Variants in TMEM117 observed in about 807,000 individuals in gnomAD.
TMEM117 encodes transmembrane protein 117.
Under a neutral mutation model 52.4 loss-of-function variants are expected in TMEM117, and 27 were observed. The ratio of observed to expected loss-of-function variants is 0.51; its 90% CI spans 0.38 to 0.71. The LOEUF (loss-of-function observed/expected upper bound fraction) is 0.71, where lower values mean the gene tolerates loss of function less well. TMEM117 is among the 30% of genes least tolerant of loss of function. The pLI is 0.00. For synonymous variants in TMEM117, 215 were observed against 206.3 expected, an observed-to-expected ratio of 1.04 and a Z score of -0.36; for missense variants, 556 against 630.5, an observed-to-expected ratio of 0.88 and a Z score of 1.26.
chr12:44,000,590 C>T (rs1946100963), intron 3 of TMEM117, among the ~76,000 whole-genome samples: 1 of 152,132 alleles, frequency 6.6e-6, no homozygotes, highest in Non-Finnish European at 1.5e-5. Flanking sequence ...GCCTGGGCAA[C>T]TGGGCTGAGT....
Position 44,182,929 on chromosome 12 carries a change from T to C in TMEM117, c.511-28361T>C, listed in dbSNP as rs73290269. On this transcript the variant is annotated intron_variant, in intron 4 of 7. Transcript: ENST00000266534. ...AACTTTCTACATCTATTAGTTGCCT[T>C]CTCTATCTTAGTACATACCTTTACT... Among the ~76,000 whole-genome samples the C allele has an allele frequency of 2.9e-3, 439 of 152,316 alleles. 4 individuals carry two copies. Among genetic ancestry groups the C allele is most frequent in the African/African-American group, 0.01 (420 of 41,576 alleles).
chr12:44,250,997 A>G (rs1399031539), intron 5 of TMEM117, among the ~76,000 whole-genome samples: 2 of 152,188 alleles, frequency 1.3e-5, no homozygotes, highest in Non-Finnish European at 2.9e-5. Context: ...CGGATCTTAA[A>G]GTAAAATAAA....
At chr12:43,857,839 C>G (rs1446552246) in intron 2 of TMEM117, among the ~76,000 whole-genome samples, 1 of 152,118 alleles carries the variant, frequency 6.6e-6, no homozygotes, top group African/African-American at 2.4e-5. Flanking sequence ...GATGAACTAA[C>G]AAGGATGTTA....
chr12:44,146,374 A>C (rs573586130), intron 4 of TMEM117, among the ~76,000 whole-genome samples: 1 of 152,238 alleles, frequency 6.6e-6, no homozygotes, highest in African/African-American at 2.4e-5. Flanking sequence ...GACTGGATTG[A>C]GAGTCAAGAA....
intron 4 of TMEM117, among the ~76,000 whole-genome samples, chr12:44,149,294 A>G (rs528736531): frequency 6.6e-6 from 1 of 152,366 alleles, no homozygotes; most frequent in South Asian, 2.1e-4. Flanking sequence ...ACTACGTAAG[A>G]TAGAAAATTG....
intron 3 of TMEM117, among the ~76,000 whole-genome samples, chr12:44,097,806 A>G (rs538003435): frequency 1.3e-5 from 2 of 151,154 alleles, no homozygotes; most frequent in African/African-American, 4.9e-5. Context: ...ACATGTATAC[A>G]TATGTAACAA....
chr12:44,346,340 T>C (rs1951486505), intron 6 of TMEM117, among the ~76,000 whole-genome samples: 1 of 152,130 alleles, frequency 6.6e-6, no homozygotes, highest in African/African-American at 2.4e-5. Flanking sequence ...AATGATGCTT[T>C]TTCTGTGTGA....
intron 2 of TMEM117, among the ~76,000 whole-genome samples, chr12:43,854,135 C>T (rs757899998): frequency 5.3e-5 from 8 of 151,848 alleles, no homozygotes; most frequent in South Asian, 2.1e-4. Flanking sequence ...TTTAAGTCAA[C>T]GAAAATATTT....
chr12:44,069,952 C>G (rs1422716966), intron 3 of TMEM117, among the ~76,000 whole-genome samples: 1 of 152,130 alleles, frequency 6.6e-6, no homozygotes, highest in Non-Finnish European at 1.5e-5. Context: ...TGCAGTGGCA[C>G]GGGCTTGGCT....
chr12:44,179,126 GGAGTTGCAGTGAGCC>G (rs892634952), intron 4 of TMEM117, among the ~76,000 whole-genome samples: 6 of 152,084 alleles, frequency 3.9e-5, no homozygotes, highest in African/African-American at 7.2e-5. Context: ...CCCGGGAGGT[GGAGTTGCAGTGAGCC>G]GAGATCACGC....
intron 2 of TMEM117, among the ~76,000 whole-genome samples, chr12:43,880,051 T>G (rs1943869464): frequency 6.6e-6 from 1 of 152,246 alleles, no homozygotes; most frequent in Admixed American, 6.5e-5. Flanking sequence ...TCTCTAATAT[T>G]TTTCAGGTAG....
chr12:44,047,431 T>C (rs74664246), intron 3 of TMEM117, among the ~76,000 whole-genome samples: 1,729 of 152,306 alleles, frequency 0.011, 33 homozygotes, highest in African/African-American at 0.04. Flanking sequence ...TACTAGATAT[T>C]AATATTTTGG....
chr12:43,971,447 T>A (rs1026161462), intron 3 of TMEM117, among the ~76,000 whole-genome samples: 1 of 152,222 alleles, frequency 6.6e-6, no homozygotes, highest in South Asian at 2.1e-4. Flanking sequence ...CTAAGTTCCA[T>A]CCAAAGTGAA....
intron 5 of TMEM117, among the ~76,000 whole-genome samples, chr12:44,294,586 A>T (rs111724364): frequency 0.044 from 6,755 of 152,194 alleles, 150 homozygotes; most frequent in African/African-American, 0.065. Flanking sequence ...CTAAGTCAAG[A>T]GCTTTCACCT....
At chr12:43,963,032 A>G (rs547776179) in intron 3 of TMEM117, among the ~76,000 whole-genome samples, 1 of 152,028 alleles carries the variant, frequency 6.6e-6, no homozygotes, top group East Asian at 1.9e-4. Flanking sequence ...TATATATCAC[A>G]TATAAGATGC....
At chr12:44,284,725 A>T (rs950031637) in intron 5 of TMEM117, among the ~76,000 whole-genome samples, 5 of 152,258 alleles carry the variant, frequency 3.3e-5, no homozygotes, top group Non-Finnish European at 5.9e-5. Flanking sequence ...TCTACTAGTT[A>T]TTAAGCAGCA....
At chr12:44,129,236 A>G (rs192341278) in intron 3 of TMEM117, among the ~76,000 whole-genome samples, 2 of 152,268 alleles carry the variant, frequency 1.3e-5, no homozygotes, top group East Asian at 3.9e-4. Flanking sequence ...CAGCTCTCCT[A>G]CACATACCCT....
intron 3 of TMEM117, among the ~76,000 whole-genome samples, chr12:43,958,173 T>C (rs1284114248): frequency 6.6e-6 from 1 of 152,234 alleles, no homozygotes; most frequent in Non-Finnish European, 1.5e-5. Context: ...ACAGTATGCA[T>C]AGATACTTAT....
chr12:44,189,924 C>T (rs1949328769), intron 4 of TMEM117, among the ~76,000 whole-genome samples: 1 of 152,194 alleles, frequency 6.6e-6, no homozygotes, highest in Non-Finnish European at 1.5e-5. Flanking sequence ...CCTGTTTTTA[C>T]ATGACCAGTA....
Sources: allele counts gnomAD v4.1 joint callset (sites outside exome capture counted in the v4.1 genomes callset), GRCh38; gene constraint gnomAD v4.1.1; transcripts MANE v1.5; gene names NCBI Gene and HGNC (gene_info 2026-07-23, HGNC 2026-07-21).